The following DSE variants were observed in gnomAD, a reference collection of about 807,000 sequenced individuals.
DSE encodes the protein dermatan sulfate epimerase, also known as dermatan-sulfate epimerase.
Under a neutral mutation model 84.4 loss-of-function variants are expected in DSE, and 36 were observed. That is an observed-to-expected ratio of 0.43 (90% CI 0.33 to 0.56). The LOEUF (loss-of-function observed/expected upper bound fraction) is 0.56. Among genes scored for constraint, DSE ranks in the 20% least tolerant of loss-of-function variants. The pLI is 0.06. For missense variants in DSE, 862 were observed against 1,169.6 expected, an observed-to-expected ratio of 0.74 and a Z score of 3.84; for synonymous variants, 410 against 430.1, an observed-to-expected ratio of 0.95 and a Z score of 0.58.
At chr6:116,346,307 G>A (rs911836156) in intron 2 of DSE, among the ~76,000 whole-genome samples, 13 of 152,056 alleles carry the variant, frequency 8.5e-5, no homozygotes, top group East Asian at 1.9e-4. Flanking sequence ...CCTGGCAGAG[G>A]CCCAACAAAA....
Position 116,437,391 on chromosome 6 carries a change from T to A in DSE, c.*46T>A, listed in dbSNP as rs776857721. 4.2e-6 allele frequency: 6 copies of A among 1,441,432 alleles called. No homozygotes were observed. The East Asian group carries it at 7.4e-5, about 18-fold the overall frequency. The allele number at this position is 1,441,432 out of a possible 1,614,324, so 89.3% of individuals were successfully genotyped here. A position where few individuals can be genotyped will look rare whatever the true frequency, so the allele number is the denominator to read the frequency against. ...TGGTCATTTTGTGATCACAAGAGTC[T>A]ATGCAAAAAAAAAAATTTCTTTACC... On this transcript the variant is annotated 3_prime_UTR_variant, in exon 6 of 6. Transcript: ENST00000644252.
chr6:116,343,981 G>A (rs1038212941), intron 2 of DSE, among the ~76,000 whole-genome samples: 3 of 152,288 alleles, frequency 2.0e-5, no homozygotes, highest in South Asian at 4.1e-4. Context: ...TGAGAACTAC[G>A]TGATGCATGC....
Position 116,442,907 on chromosome 6 carries a change from A to G in DSE, c.*5562A>G, listed in dbSNP as rs1784471630. ...CTGTGTGTATGTGAAACTTTGAAAAATCCCTGAGATGGCTCTGATATGCCC... is the reference window on the plus strand; with the variant it reads ...CTGTGTGTATGTGAAACTTTGAAAAGTCCCTGAGATGGCTCTGATATGCCC... On this transcript the variant is annotated 3_prime_UTR_variant, in exon 6 of 6. Coordinates refer to ENST00000644252, the MANE Select transcript of DSE (RefSeq NM_013352.4). 1 of 142,108 alleles carries G rather than the reference A, an allele frequency of 7.0e-6. No individual in the cohort carries two copies. Among genetic ancestry groups the G allele is most frequent in the Admixed American group, 7.3e-5 (1 of 13,660 alleles). 8.8% of individuals were successfully genotyped at this position (142,108 alleles called of 1,614,324 possible).
chr6:116,426,610 T>C lies in DSE; in HGVS notation c.453T>C (p.Leu151=). The C allele has an allele frequency of 6.2e-7, 1 of 1,613,988 alleles. No homozygotes were observed. Among genetic ancestry groups the C allele is most frequent in the Non-Finnish European group, 8.5e-7 (1 of 1,179,858 alleles). The change falls in exon 3 of 6, where the codon CTT becomes CTC. Residue 151 remains leucine, a synonymous_variant. Coordinates refer to ENST00000644252, the MANE Select transcript of DSE (RefSeq NM_013352.4). ...ATGCTCCTTGGGATGAGGTCCCGCT[T>C]GCTCACTCCCTGGTTGGTTTTGCCA... ...VKDAPWDEVP[L]AHSLVGFATA...
At chr6:116,291,288 A>G (rs1233542083) in intron 2 of DSE, among the ~76,000 whole-genome samples, 1 of 152,176 alleles carries the variant, frequency 6.6e-6, no homozygotes, top group Non-Finnish European at 1.5e-5. Flanking sequence ...CTTTGGGTGC[A>G]CAGAATAGGA....
At chr6:116,294,393 C>T (rs931521940) in intron 2 of DSE, among the ~76,000 whole-genome samples, 2 of 152,222 alleles carry the variant, frequency 1.3e-5, no homozygotes, top group Admixed American at 6.5e-5. Flanking sequence ...TCAAGTTAAA[C>T]GTAGTTTAGT....
chr6:116,358,564 A>C (rs1778703980), intron 2 of DSE, among the ~76,000 whole-genome samples: 1 of 152,218 alleles, frequency 6.6e-6, no homozygotes, highest in Admixed American at 6.5e-5. Context: ...ATGAGCTGAT[A>C]GCTTCTAGGC....
rs563301503 is a variant in DSE, at chr6:116,258,825, G to A, written c.-196G>A. 20 of 1,608,242 alleles carry A rather than the reference G, an allele frequency of 1.2e-5. No homozygotes were observed. The East Asian group carries it at 3.3e-4, about 27-fold the overall frequency. Reference sequence around the variant, plus strand: ...CGCCTGTGAGCAGGTGTATGACCTCGAAGGCATGCTTGACGATGCACACAG... The same window carrying A: ...CGCCTGTGAGCAGGTGTATGACCTCAAAGGCATGCTTGACGATGCACACAG... On this transcript the variant is annotated 5_prime_UTR_variant, in exon 2 of 4. Coordinates refer to the DSE transcript ENST00000430252.
In DSE at chr6:116,442,310, G is replaced by C. The variant is rs1219917113; in HGVS notation, c.*4965G>C. On this transcript the variant is annotated 3_prime_UTR_variant, in exon 6 of 6. Coordinates refer to ENST00000644252, the MANE Select transcript of DSE (RefSeq NM_013352.4). The stretch of plus-strand genomic sequence containing the variant: ...ACTTGGATTATGAGTTGGGGAGTCA[G>C]TTGCAATGAACTGAGATGTGGCTGA... 1 of 152,330 alleles carries C rather than the reference G, an allele frequency of 6.6e-6. No individual in the cohort carries two copies. The highest frequency in any genetic ancestry group is 2.1e-4 in the South Asian group (1 of 4,832). The allele number at this position is 152,330 out of a possible 1,614,324, so 9.4% of individuals were successfully genotyped here.
intron 2 of DSE, among the ~76,000 whole-genome samples, chr6:116,402,812 G>T (rs1234196649): frequency 2.0e-5 from 3 of 152,144 alleles, no homozygotes; most frequent in African/African-American, 7.2e-5. Flanking sequence ...CACCAATGAA[G>T]AAGGTTTAGT....
intron 2 of DSE, among the ~76,000 whole-genome samples, chr6:116,302,277 C>G (rs1775084015): frequency 6.6e-6 from 1 of 152,194 alleles, no homozygotes; most frequent in Admixed American, 6.5e-5. Flanking sequence ...TCCTATTTCT[C>G]CACATCCTCT....
chr6:116,375,463 C>A (rs1039917609), intron 1 of DSE: 29 of 891,774 alleles, frequency 3.3e-5, no homozygotes, highest in African/African-American at 3.6e-5. Context: ...ATGGTCACAC[C>A]ACTGCACTCC....
chr6:116,344,013 G>C (rs1024027305), intron 2 of DSE, among the ~76,000 whole-genome samples: 1 of 152,162 alleles, frequency 6.6e-6, no homozygotes, highest in African/African-American at 2.4e-5. Flanking sequence ...TAGCCGATTT[G>C]ATCAAGTGGA....
At chr6:116,380,757 C>G (rs1450498138) in intron 1 of DSE, among the ~76,000 whole-genome samples, 1 of 152,156 alleles carries the variant, frequency 6.6e-6, no homozygotes, top group Non-Finnish European at 1.5e-5. Flanking sequence ...GTGATCAAAT[C>G]CCTTTTGGAT....
At chr6:116,356,908 C>A (rs1352792384) in intron 2 of DSE, among the ~76,000 whole-genome samples, 1 of 152,184 alleles carries the variant, frequency 6.6e-6, no homozygotes, top group South Asian at 2.1e-4. Context: ...ATAACTAATG[C>A]GTCCAAATTC....
chr6:116,361,875 G>A (rs1021237962), intron 2 of DSE, among the ~76,000 whole-genome samples: 2 of 151,882 alleles, frequency 1.3e-5, no homozygotes, highest in African/African-American at 4.8e-5. Flanking sequence ...TAATGAAAAG[G>A]GACTCACAAC....
At chr6:116,377,373 A>T (rs1026951897) in intron 1 of DSE, among the ~76,000 whole-genome samples, 5 of 152,216 alleles carry the variant, frequency 3.3e-5, no homozygotes, top group African/African-American at 1.2e-4. Context: ...TACGAAGGCA[A>T]TATATCAGCC....
At chr6:116,279,565 C>T (rs752892713) in intron 2 of DSE, 12 of 1,602,964 alleles carry the variant, frequency 7.5e-6, no homozygotes, top group Non-Finnish European at 8.5e-6. Flanking sequence ...CACATGACCG[C>T]GACCCCCAAC....
intron 2 of DSE, among the ~76,000 whole-genome samples, chr6:116,414,690 G>A (rs1282193126): frequency 1.3e-5 from 2 of 152,216 alleles, no homozygotes; most frequent in African/African-American, 4.8e-5. Flanking sequence ...GGGATTACAG[G>A]TGTGAGCCAC....
Sources: allele counts gnomAD v4.1 joint callset (sites outside exome capture counted in the v4.1 genomes callset), GRCh38; gene constraint gnomAD v4.1.1; transcripts MANE v1.5; gene names NCBI Gene and HGNC (gene_info 2026-07-23, HGNC 2026-07-21).